Variants in SCOC observed in about 807,000 individuals in gnomAD.
SCOC encodes short coiled coil protein.
In SCOC, 7 loss-of-function variants were observed where a neutral mutation model predicts 9.9. The ratio of observed to expected loss-of-function variants is 0.71; its 90% confidence interval spans 0.40 to 1.33. The LOEUF is 1.33. SCOC is among the 40% of genes most tolerant of loss of function. The pLI, the probability that SCOC is intolerant of heterozygous loss-of-function variation, is 0.01. For missense variants in SCOC, 66 were observed against 89.7 expected (o/e 0.74, Z 1.07); for synonymous variants, 19 against 28.2 (o/e 0.67, Z 1.03).
At chr4:140,326,479 A>T (rs183385197) in intron 1 of SCOC, among the ~76,000 whole-genome samples, 286 of 152,290 alleles carry the variant, frequency 1.9e-3, no homozygotes, top group Non-Finnish European at 2.3e-3. Flanking sequence ...AACAGCAATA[A>T]ATATAGTGGC....
At chr4:140,271,723 C>G (rs138324152) in intron 1 of SCOC, among the ~76,000 whole-genome samples, 3 of 152,294 alleles carry the variant, frequency 2.0e-5, no homozygotes, top group African/African-American at 4.8e-5. Flanking sequence ...AAACTGACAG[C>G]CAGGCTTTCG....
rs1457154213 is a variant in SCOC, at chr4:140,303,433, C to A, written c.-18-40188C>A. Among the ~76,000 whole-genome samples the A allele has an allele frequency of 2.0e-5, 3 of 152,294 alleles. No homozygotes were observed. The East Asian group carries it at 5.8e-4, about 29-fold the overall frequency. Reference sequence around the variant, plus strand: ...CAGGCCCTGTGGCCCTGCTGCCAACCTTGCTTGGTTATTGGAGCCCAGGGG... The same window carrying A: ...CAGGCCCTGTGGCCCTGCTGCCAACATTGCTTGGTTATTGGAGCCCAGGGG... On this transcript the variant is annotated intron_variant, in intron 1 of 4. Coordinates refer to the SCOC transcript ENST00000394205.
chr4:140,323,114 T>C (rs1370875235), intron 1 of SCOC, among the ~76,000 whole-genome samples: 1 of 152,182 alleles, frequency 6.6e-6, no homozygotes, highest in Non-Finnish European at 1.5e-5. Flanking sequence ...TTCCCAGTGT[T>C]GAAGGTGGGG....
chr4:140,274,307 G>C (rs185888616), intron 1 of SCOC, among the ~76,000 whole-genome samples: 1 of 152,246 alleles, frequency 6.6e-6, no homozygotes, highest in East Asian at 1.9e-4. Flanking sequence ...GAAGACTTTC[G>C]CTTTACTTTT....
upstream of SCOC, among the ~76,000 whole-genome samples, chr4:140,338,983 C>T (rs537532990): frequency 1.3e-5 from 2 of 152,322 alleles, no homozygotes; most frequent in Admixed American, 6.5e-5. Context: ...AAAGAGCACA[C>T]ATTGCCAAGT....
At chr4:140,279,814 C>T (rs1171538890) in intron 1 of SCOC, among the ~76,000 whole-genome samples, 1 of 152,152 alleles carries the variant, frequency 6.6e-6, no homozygotes, top group Non-Finnish European at 1.5e-5. Context: ...TTCTCTCTCC[C>T]AGGCCAGTAT....
chr4:140,354,209 CAAT>C (rs1204580011), intron 2 of SCOC, among the ~76,000 whole-genome samples: 1 of 151,818 alleles, frequency 6.6e-6, no homozygotes, highest in Non-Finnish European at 1.5e-5. Flanking sequence ...TTTTTTTTAA[CAAT>C]GTTTCTTATC....
At chr4:140,347,508 C>T (rs955250749) in intron 2 of SCOC, among the ~76,000 whole-genome samples, 1 of 152,196 alleles carries the variant, frequency 6.6e-6, no homozygotes, top group Non-Finnish European at 1.5e-5. Flanking sequence ...CCTCTTTCAT[C>T]TTTCATCTCA....
At chr4:140,348,990 T>G (rs529352611) in intron 2 of SCOC, among the ~76,000 whole-genome samples, 116 of 152,348 alleles carry the variant, frequency 7.6e-4, no homozygotes, top group African/African-American at 2.7e-3. Context: ...ATATACCCAT[T>G]GGCCATTTGT....
intron 2 of SCOC, among the ~76,000 whole-genome samples, chr4:140,347,595 C>G (rs935833245): frequency 1.3e-5 from 2 of 152,152 alleles, no homozygotes; most frequent in East Asian, 3.9e-4. Flanking sequence ...TCTGGACACA[C>G]GCTCTGGATG....
chr4:140,378,882 C>T (rs1229810625), intron 1 of SCOC, among the ~76,000 whole-genome samples: 1 of 152,022 alleles, frequency 6.6e-6, no homozygotes, highest in Non-Finnish European at 1.5e-5. Flanking sequence ...ATCATTATCT[C>T]CTTTAAAAAT....
chr4:140,263,161 G>T (rs1036451143), intron 1 of SCOC, among the ~76,000 whole-genome samples: 6 of 152,176 alleles, frequency 3.9e-5, no homozygotes, highest in Non-Finnish European at 7.4e-5. Flanking sequence ...CATACAGCTG[G>T]ATGTCATCCT....
chr4:140,353,348 G>C (rs1182514450), intron 2 of SCOC, among the ~76,000 whole-genome samples: 1 of 151,976 alleles, frequency 6.6e-6, no homozygotes, highest in Non-Finnish European at 1.5e-5. Flanking sequence ...TGTAAAAACT[G>C]CTCCAGAAAG....
chr4:140,264,214 G>A (rs894543516), intron 1 of SCOC, among the ~76,000 whole-genome samples: 1 of 151,954 alleles, frequency 6.6e-6, no homozygotes, highest in African/African-American at 2.4e-5. Context: ...ATGTTGCTCC[G>A]GCTGGTCTTG....
intron 1 of SCOC, among the ~76,000 whole-genome samples, chr4:140,287,658 A>G (rs1454094964): frequency 6.6e-6 from 1 of 152,122 alleles, no homozygotes; most frequent in African/African-American, 2.4e-5. Flanking sequence ...GCAGGTACAT[A>G]TACCACATGT....
At chr4:140,374,267 G>A in intron 1 of SCOC, 1 of 425,384 alleles carries the variant, frequency 2.4e-6, no homozygotes, top group Non-Finnish European at 4.7e-6. Flanking sequence ...TGCTGAACAA[G>A]TTTTGGGAAG....
At chr4:140,315,057 A>G (rs1424153672) in intron 1 of SCOC, among the ~76,000 whole-genome samples, 1 of 152,214 alleles carries the variant, frequency 6.6e-6, no homozygotes, top group African/African-American at 2.4e-5. Flanking sequence ...TAGTGTCCCT[A>G]TATGTTAGGA....
At chr4:140,292,475 C>A (rs1217311029) in intron 1 of SCOC, among the ~76,000 whole-genome samples, 2 of 152,180 alleles carry the variant, frequency 1.3e-5, no homozygotes, top group East Asian at 3.9e-4. Flanking sequence ...AGGCATGAGC[C>A]ACTGAACCTG....
At chr4:140,310,429 CA>C (rs1355713287) in intron 1 of SCOC, among the ~76,000 whole-genome samples, 10 of 152,180 alleles carry the variant, frequency 6.6e-5, no homozygotes, top group Non-Finnish European at 2.9e-5. Flanking sequence ...TCCTTTTTTA[CA>C]AGGTTCTGGT....
Sources: allele counts gnomAD v4.1 joint callset (sites outside exome capture counted in the v4.1 genomes callset), GRCh38; gene constraint gnomAD v4.1.1; transcripts MANE v1.5; gene names NCBI Gene and HGNC (gene_info 2026-07-23, HGNC 2026-07-21).